SAMHD1: variants seen among roughly 807,000 people sequenced by gnomAD.
SAMHD1 encodes deoxynucleoside triphosphate triphosphohydrolase SAMHD1.
In SAMHD1, 54 loss-of-function variants were observed where a neutral mutation model predicts 79.6. The ratio of observed to expected loss-of-function variants is 0.68; its 90% CI spans 0.55 to 0.85. The LOEUF (loss-of-function observed/expected upper bound fraction) is 0.85. Ranked by LOEUF, SAMHD1 falls within the 40% of genes least tolerant of loss-of-function variation. SAMHD1 has a pLI of 0.00. For synonymous variants in SAMHD1, 260 were observed against 264.1 expected, an observed-to-expected ratio of 0.98 and a Z score of 0.15; for missense variants, 663 against 782.7, an observed-to-expected ratio of 0.85 and a Z score of 1.82.
Position 36,892,571 on chromosome 20 carries a change from G to A in SAMHD1, c.*361C>T, listed in dbSNP as rs191661943. The A allele has an allele frequency of 5.5e-4, 162 of 292,508 alleles. No individual in the cohort carries two copies. The highest frequency in any genetic ancestry group is 2.6e-3 in the African/African-American group (118 of 45,122). The allele number at this position is 292,508 out of a possible 1,614,324, so 18.1% of individuals were successfully genotyped here. A position where few individuals can be genotyped will look rare whatever the true frequency, so the allele number is the denominator to read the frequency against. ...CTTGGGGGGCTGAGGCAGGAGGGTC[G>A]CTTGAGCCCAGGAAAGTTCGAGTCC... On this transcript the variant is annotated 3_prime_UTR_variant, in exon 16 of 16. Transcript: ENST00000646673.
chr20:36,934,855 A>G, intron 4 of SAMHD1, 174 bp downstream of exon 4: 1 of 594,640 alleles, frequency 1.7e-6, no homozygotes, highest in Non-Finnish European at 3.0e-6. Context: ...ATGGGGTTTC[A>G]CAATGTTGGC....
intron 13 of SAMHD1, among the ~76,000 whole-genome samples, chr20:36,903,487 C>T: frequency 6.6e-6 from 1 of 151,776 alleles, no homozygotes; most frequent in East Asian, 1.9e-4. Context: ...GATCGACCCG[C>T]CTCGGCTTCC....
At position 36,930,085 on chromosome 20, in the gene SAMHD1, CAAAA is replaced by C. The variant is rs11468025; in HGVS notation, c.625+671_625+674del. ...CACAAAAAGGAAGAAAAAAAAAGAC[CAAAA>C]AAAAAAAAAAAAATAAGCATAAGAA... On this transcript the variant is annotated intron_variant, in intron 5 of 15. Transcript: ENST00000646673. Among the ~76,000 whole-genome samples, 260 of 131,434 alleles carry C rather than the reference CAAAA, an allele frequency of 2.0e-3. 2 individuals are homozygous for C. Among genetic ancestry groups the C allele is most frequent in the African/African-American group, 3.6e-3 (126 of 35,254 alleles). 86.2% of individuals were successfully genotyped at this position (131,434 alleles called of 152,430 possible). A position where few individuals can be genotyped will look rare whatever the true frequency, so the allele number is the denominator to read the frequency against.
chr20:36,914,560 A>G (rs2063464425), intron 9 of SAMHD1, among the ~76,000 whole-genome samples: 1 of 152,014 alleles, frequency 6.6e-6, no homozygotes, highest in East Asian at 2.0e-4. Flanking sequence ...CATGTTGCCC[A>G]GGTTGGCCAG....
intron 7 of SAMHD1, 57 bp downstream of exon 7, chr20:36,919,307 T>A: frequency 6.5e-7 from 1 of 1,535,762 alleles, no homozygotes; most frequent in Non-Finnish European, 9.0e-7. Flanking sequence ...GAAGGAATCA[T>A]GAAAAGGCTA....
At chr20:36,920,533 G>A (rs965313867) in intron 6 of SAMHD1, among the ~76,000 whole-genome samples, 2 of 152,040 alleles carry the variant, frequency 1.3e-5, no homozygotes, top group African/African-American at 4.8e-5. Context: ...TTGGGAGGCC[G>A]AGGTGGGCGG....
intron 15 of SAMHD1, chr20:36,893,356 C>T (rs920143718): frequency 2.7e-5 from 13 of 479,924 alleles, no homozygotes; most frequent in Non-Finnish European, 4.5e-5. Context: ...CACACCTTCA[C>T]GGAGCACAAA....
intron 4 of SAMHD1, among the ~76,000 whole-genome samples, chr20:36,934,000 CGTGCCAT>C (rs1250579870): frequency 1.3e-5 from 2 of 151,066 alleles, no homozygotes; most frequent in Non-Finnish European, 2.9e-5. Context: ...GAGCTGAGAT[CGTGCCAT>C]TGCACTCCAG....
chr20:36,945,709 G>A (rs540845859), intron 2 of SAMHD1, among the ~76,000 whole-genome samples: 18 of 151,978 alleles, frequency 1.2e-4, no homozygotes, highest in Non-Finnish European at 1.8e-4. Flanking sequence ...TCAGGAGTTC[G>A]AGACCAGCCT....
intron 15 of SAMHD1, among the ~76,000 whole-genome samples, chr20:36,896,263 G>A (rs550435869): frequency 2.6e-5 from 4 of 151,668 alleles, no homozygotes; most frequent in South Asian, 4.2e-4. Context: ...ATGAGCCACC[G>A]CGCCCAGCCT....
intron 4 of SAMHD1, among the ~76,000 whole-genome samples, chr20:36,932,447 G>A (rs547808382): frequency 7.0e-6 from 1 of 142,264 alleles, no homozygotes. Context: ...TACGTATACA[G>A]TTTCGTGTTT....
At chr20:36,941,002 TATATTCA>T in intron 3 of SAMHD1, 30 bp downstream of exon 3, 1 of 1,481,104 alleles carries the variant, frequency 6.8e-7, no homozygotes, top group Non-Finnish European at 9.4e-7. Flanking sequence ...TATATCACTT[TATATTCA>T]AAAAACATAA....
chr20:36,949,508 G>C (rs915513841), intron 1 of SAMHD1, among the ~76,000 whole-genome samples: 13 of 150,174 alleles, frequency 8.7e-5, no homozygotes, highest in African/African-American at 2.9e-4. Context: ...TGTAATCCCA[G>C]CACTTTGGGA....
At chr20:36,905,559 T>C (rs2063400073) in intron 11 of SAMHD1, 56 bp from the exon 12 acceptor site, 6 of 1,385,690 alleles carry the variant, frequency 4.3e-6, no homozygotes, top group African/African-American at 1.4e-5. Context: ...AGTTAAAGAA[T>C]TATATAGTGC....
chr20:36,890,270 T>G lies in SAMHD1; in HGVS notation c.*2662A>C, dbSNP rs1243899467. The G allele has an allele frequency of 6.6e-6, 1 of 152,242 alleles. No individual in the cohort carries two copies. The highest frequency in any genetic ancestry group is 2.1e-4 in the South Asian group (1 of 4,834). 9.4% of individuals were successfully genotyped at this position (152,242 alleles called of 1,614,324 possible). A position where few individuals can be genotyped will look rare whatever the true frequency, so the allele number is the denominator to read the frequency against. On this transcript the variant is annotated 3_prime_UTR_variant, in exon 16 of 16. Coordinates refer to ENST00000646673, the MANE Select transcript of SAMHD1 (RefSeq NM_015474.4). Reference sequence around the variant, plus strand: ...TATTGCAGCTGTTTCCCTTACCCAGTTGAAGTGGCCAGTCATTTTAATTTG... The same window carrying G: ...TATTGCAGCTGTTTCCCTTACCCAGGTGAAGTGGCCAGTCATTTTAATTTG...
intron 15 of SAMHD1, chr20:36,893,454 G>C (rs1990130493): frequency 6.7e-6 from 2 of 298,754 alleles, no homozygotes; most frequent in Admixed American, 4.8e-5. Context: ...AAAAGGCCCA[G>C]GTCTACAAGA....
intron 3 of SAMHD1, 144 bp downstream of exon 3, chr20:36,940,895 G>A (rs1260463700): frequency 1.5e-6 from 1 of 677,392 alleles, no homozygotes; most frequent in Non-Finnish European, 2.6e-6. Context: ...ATTTTAGAAA[G>A]TGCAGAAAGT....
At position 36,903,485 on chromosome 20, in the gene SAMHD1, C is replaced by T. The variant is rs570922585; in HGVS notation, c.1503+672G>A. 4.0e-5 allele frequency among the ~76,000 whole-genome samples: 6 copies of T among 151,768 alleles called. No individual in the cohort carries two copies. The South Asian group carries it at 6.2e-4, about 16-fold the overall frequency. ...CAATCTCCTGACTTTGTGATCGACC[C>T]GCCTCGGCTTCCCAAAGTGCTAGGA... On this transcript the variant is annotated intron_variant, in intron 13 of 15. Transcript: ENST00000646673.
chr20:36,893,819 T>C (rs1365072031), intron 15 of SAMHD1: 1 of 398,322 alleles, frequency 2.5e-6, no homozygotes, highest in Non-Finnish European at 4.4e-6. Flanking sequence ...TTCTTCACTC[T>C]TCCTCTCCCT....
Sources: allele counts gnomAD v4.1 joint callset (sites outside exome capture counted in the v4.1 genomes callset), GRCh38; gene constraint gnomAD v4.1.1; transcripts MANE v1.5; gene names NCBI Gene and HGNC (gene_info 2026-07-23, HGNC 2026-07-21).